The following PRDM4 variants were observed in gnomAD, a reference collection of about 807,000 sequenced individuals.
PRDM4 encodes the protein PR domain zinc finger protein 4.
Under a neutral mutation model 62.3 loss-of-function variants are expected in PRDM4, and 38 were observed. The ratio of observed to expected loss-of-function variants is 0.61; its 90% CI spans 0.47 to 0.80. The LOEUF is 0.80. PRDM4 is among the 30% of genes least tolerant of loss of function. PRDM4 has a pLI of 0.00. For missense variants in PRDM4, 858 were observed against 997.1 expected (o/e 0.86, Z 1.88); for synonymous variants, 339 against 348.2 (o/e 0.97, Z 0.30).
intron 9 of PRDM4, 64 bp from the exon 10 acceptor site, chr12:107,741,324 A>G: frequency 1.4e-6 from 2 of 1,407,834 alleles, no homozygotes; most frequent in Non-Finnish European, 1.9e-6. Flanking sequence ...TCTTGATATT[A>G]ACAATCATTG....
chr12:107,743,177 T>C lies in PRDM4; in HGVS notation c.1481+20A>G, dbSNP rs1367547054. 1 of 1,563,490 alleles carries C rather than the reference T, an allele frequency of 6.4e-7. No individual in the cohort carries two copies. The highest frequency in any genetic ancestry group is 1.1e-5 in the South Asian group (1 of 89,976). On this transcript the variant is annotated intron_variant, in intron 8 of 11. Transcript: ENST00000228437. Reference sequence around the variant, plus strand: ...ACATCTAAATGGTAACTATTTTTTCTCATCCAAGACTACTCATACCTGGCT... The same window carrying C: ...ACATCTAAATGGTAACTATTTTTTCCCATCCAAGACTACTCATACCTGGCT...
intron 11 of PRDM4, chr12:107,737,893 G>A (rs533718838): frequency 6.6e-6 from 1 of 152,376 alleles, no homozygotes; most frequent in East Asian, 1.9e-4. Context: ...CCCAGTGTGA[G>A]GTGGAGCCTT....
chr12:107,735,400 C>T (rs185607506), intron 11 of PRDM4, among the ~76,000 whole-genome samples: 5 of 152,270 alleles, frequency 3.3e-5, no homozygotes, highest in Admixed American at 6.5e-5. Context: ...TTAGCCAGTA[C>T]ATAATGGTAT....
At chr12:107,754,732 G>A (rs865952884) in intron 3 of PRDM4, 2 of 151,888 alleles carry the variant, frequency 1.3e-5, no homozygotes, top group South Asian at 4.2e-4. Context: ...ATTATATAGA[G>A]AAAAAAACAA....
rs766786416 is a variant in PRDM4, at chr12:107,751,683, A to G, written c.858T>C (p.Ser286=). ...TCATGGCCACAGTGTGAATGGAGTC[A>G]CTGAGGGCACTGTCAGACATGCCAT... ...RVNGMSDSAL[S]DSIHTVAMST... The change falls in exon 5 of 12, where the codon AGT becomes AGC. Residue 286 remains serine, a synonymous_variant. Transcript: ENST00000228437. The G allele has an allele frequency of 5.0e-6, 8 of 1,614,042 alleles. No homozygotes were observed. Among genetic ancestry groups the G allele is most frequent in the Non-Finnish European group, 5.9e-6 (7 of 1,180,036 alleles).
chr12:107,752,333 A>G (rs1890921856), intron 4 of PRDM4, 124 bp from the exon 5 acceptor site: 4 of 715,702 alleles, frequency 5.6e-6, no homozygotes, highest in Non-Finnish European at 6.9e-6. Flanking sequence ...CTTTAATTTA[A>G]TCGATACACA....
In PRDM4 at chr12:107,734,269, C is replaced by A. The variant is rs774693123; in HGVS notation, c.2347G>T (p.Asp783Tyr). Residue 783 changes from aspartate to tyrosine, a missense_variant, in exon 12 of 12, where the codon GAC becomes TAC. Physicochemically the swap from Asp to Tyr is radical, Grantham distance 160. Coordinates refer to ENST00000228437, the MANE Select transcript of PRDM4 (RefSeq NM_012406.4). ...EDLADSVGTEDCRINSAVYSA... is the reference protein window; with the variant it reads ...EDLADSVGTEYCRINSAVYSA... ...TACACAGCACTGTTAATCCTACAGT[C>A]TTCTGTCCCCACAGAGTCTGCTAGA... 2.5e-6 allele frequency: 4 copies of A among 1,614,190 alleles called. No individual in the cohort carries two copies. In the South Asian group the frequency reaches 3.3e-5, roughly 13 times the overall value.
chr12:107,750,024 C>T (rs868182224), intron 5 of PRDM4, among the ~76,000 whole-genome samples: 1 of 152,346 alleles, frequency 6.6e-6, no homozygotes, highest in Middle Eastern at 3.4e-3. Flanking sequence ...ATGTATGTTA[C>T]TTCCCTTGGT....
chr12:107,754,278 G>C (rs1890994365), intron 3 of PRDM4, among the ~76,000 whole-genome samples, 169 bp from the exon 4 acceptor site: 1 of 152,198 alleles, frequency 6.6e-6, no homozygotes, highest in African/African-American at 2.4e-5. Flanking sequence ...TAAGCCTAAA[G>C]AAAGTAGTCT....
chr12:107,751,849 C>T lies in PRDM4; in HGVS notation c.692G>A (p.Ser231Asn). ...EHSQIPNGSR[S>N]HEPLSVDSVS... The stretch of plus-strand genomic sequence containing the variant: ...AGAATCCACAGACAGAGGTTCATGA[C>T]TTCTGGAGCCATTTGGGATTTGGGA... Residue 231 changes from serine to asparagine, a missense_variant, in exon 5 of 12, where the codon AGT (serine) becomes AAT (asparagine). Transcript: ENST00000228437. 4.3e-6 allele frequency: 7 copies of T among 1,614,254 alleles called. No individual in the cohort carries two copies. Among genetic ancestry groups the T allele is most frequent in the Non-Finnish European group, 5.1e-6 (6 of 1,180,040 alleles).
chr12:107,754,583 A>G (rs1891005083), intron 3 of PRDM4, among the ~76,000 whole-genome samples: 1 of 152,100 alleles, frequency 6.6e-6, no homozygotes. Context: ...GGGTTTCACC[A>G]TGTTGGCCAG....
At chr12:107,757,026 A>G (rs900092340) in intron 2 of PRDM4, 61 bp from the exon 3 acceptor site, 29 of 1,553,320 alleles carry the variant, frequency 1.9e-5, no homozygotes, top group Middle Eastern at 3.5e-4. Flanking sequence ...CTGTATTAAG[A>G]TACTGAAGAA....
Position 107,756,901 on chromosome 12 carries a change from C to T in PRDM4, c.76G>A (p.Ala26Thr), listed in dbSNP as rs1565834686. 6.2e-7 allele frequency: 1 copy of T among 1,614,154 alleles called. No homozygotes were observed. Among genetic ancestry groups the T allele is most frequent in the Non-Finnish European group, 8.5e-7 (1 of 1,180,030 alleles). Residue 26 changes from alanine (A) to threonine (T), a missense_variant, in exon 3 of 12, where the codon GCC (alanine) becomes ACC (threonine). Coordinates refer to ENST00000228437, the MANE Select transcript of PRDM4 (RefSeq NM_012406.4). ...AGGTGACTTCCTGAGACTGGCAAGG[C>T]ATTGCTCACAGAGGATGAAGTCAGC... ...EQLTSSSVSN[A>T]LPVSGSHLGL...
intron 11 of PRDM4, among the ~76,000 whole-genome samples, chr12:107,734,831 T>G (rs1295607069): frequency 1.3e-5 from 2 of 152,224 alleles, no homozygotes; most frequent in African/African-American, 4.8e-5. Context: ...TATCAGTTGT[T>G]TGTTCCCTTC....
chr12:107,734,760 ATTTCT>A (rs1566090379), intron 11 of PRDM4, among the ~76,000 whole-genome samples: 1 of 152,156 alleles, frequency 6.6e-6, no homozygotes, highest in South Asian at 2.1e-4. Flanking sequence ...TTCTATATGT[ATTTCT>A]TTTGTCTTGC....
In PRDM4 at chr12:107,751,595, A is replaced by C. The variant is rs754486129; in HGVS notation, c.946T>G (p.Ser316Ala). Residue 316 changes from serine (S) to alanine (A), a missense_variant, in exon 5 of 12, where the codon TCC (serine) becomes GCC (alanine). Transcript: ENST00000228437. The stretch of plus-strand genomic sequence containing the variant: ...AGGCTGAGGCCAACTTCATGGAGGG[A>C]AACAGATTCTAGGGAGGCAAGGTTG... The part of the protein sequence containing the change: ...SHNLASLESV[S>A]LHEVGLSLEP... The C allele has an allele frequency of 6.2e-7, 1 of 1,613,784 alleles. No individual in the cohort carries two copies. Among genetic ancestry groups the C allele is most frequent in the Non-Finnish European group, 8.5e-7 (1 of 1,179,680 alleles).
intron 6 of PRDM4, among the ~76,000 whole-genome samples, chr12:107,744,958 G>A (rs1019183623): frequency 3.3e-5 from 5 of 152,202 alleles, no homozygotes; most frequent in African/African-American, 1.2e-4. Flanking sequence ...TACTTGGGAG[G>A]CTGAGGCAGA....
rs1890554628 is a variant in PRDM4 at position 107,742,642 on chromosome 12, T to C, written c.1482-294A>G. ...TTTAAAAAACAGTATGACAAAGACATAGAGCTAGCTAGCTAAACAAGAATT... is the reference window on the plus strand; with the variant it reads ...TTTAAAAAACAGTATGACAAAGACACAGAGCTAGCTAGCTAAACAAGAATT... On this transcript the variant is annotated intron_variant, in intron 8 of 11. Transcript: ENST00000228437. 1.2e-5 allele frequency: 4 copies of C among 335,008 alleles called. No homozygotes were observed. The East Asian group carries it at 3.0e-4, about 25-fold the overall frequency. The allele number at this position is 335,008 out of a possible 1,614,324, so 20.8% of individuals were successfully genotyped here.
At chr12:107,760,794 G>C (rs1438946701) in intron 1 of PRDM4, 23 bp from the exon 2 acceptor site, 2 of 434,614 alleles carry the variant, frequency 4.6e-6, no homozygotes, top group Admixed American at 8.6e-5. Flanking sequence ...GGACAAGAGC[G>C]GTCACCAAAA....
Sources: allele counts gnomAD v4.1 joint callset (sites outside exome capture counted in the v4.1 genomes callset), GRCh38; gene constraint gnomAD v4.1.1; transcripts MANE v1.5; gene names NCBI Gene and HGNC (gene_info 2026-07-23, HGNC 2026-07-21).